PTPRD: variants seen among roughly 807,000 people sequenced by gnomAD.
PTPRD encodes receptor-type tyrosine-protein phosphatase delta.
A neutral mutation model predicts 214.5 loss-of-function variants in PTPRD; 34 were observed. That is an observed-to-expected ratio of 0.16 (90% confidence interval 0.12 to 0.21). The LOEUF is 0.21. Among genes scored for constraint, PTPRD ranks in the 10% least tolerant of loss-of-function variants. The pLI, the probability that PTPRD is intolerant of heterozygous loss-of-function variation, is 1.00. For synonymous variants in PTPRD, 1,128 were observed against 845.7 expected, an observed-to-expected ratio of 1.33 and a Z score of -5.79; for missense variants, 2,545 against 2,398.7, an observed-to-expected ratio of 1.06 and a Z score of -1.27.
intron 44 of PTPRD, among the ~76,000 whole-genome samples, chr9:8,324,494 C>T (rs1018638135): frequency 6.6e-6 from 1 of 152,188 alleles, no homozygotes; most frequent in African/African-American, 2.4e-5. Flanking sequence ...TTTATCCAAT[C>T]TATCATTGAT....
At chr9:9,924,156 G>A (rs941192635) in intron 5 of PTPRD, among the ~76,000 whole-genome samples, 1 of 151,956 alleles carries the variant, frequency 6.6e-6, no homozygotes, top group South Asian at 2.1e-4. Flanking sequence ...CACATTGAGA[G>A]AATAGTGGGA....
intron 5 of PTPRD, among the ~76,000 whole-genome samples, chr9:9,796,653 T>C (rs994325447): frequency 6.6e-6 from 1 of 151,734 alleles, no homozygotes; most frequent in Non-Finnish European, 1.5e-5. Flanking sequence ...CAAGCAAAAA[T>C]TGCATTCAAA....
chr9:10,108,091 TGTCCAATCAACCTGATTCTTGGA>T (rs1286779100), intron 3 of PTPRD, among the ~76,000 whole-genome samples: 1 of 152,086 alleles, frequency 6.6e-6, no homozygotes, highest in Non-Finnish European at 1.5e-5. Flanking sequence ...CATCTGTGGG[TGTCCAATCAACCTGATTCTTGGA>T]GTCAAGTCAT....
chr9:9,593,084 G>C (rs1405662341), intron 7 of PTPRD, among the ~76,000 whole-genome samples: 2 of 148,466 alleles, frequency 1.3e-5, no homozygotes, highest in Admixed American at 1.4e-4. Context: ...AAGAAAGAGA[G>C]AGAGGAAGAA....
intron 7 of PTPRD, among the ~76,000 whole-genome samples, chr9:9,717,897 A>C (rs1476981416): frequency 6.7e-6 from 1 of 148,838 alleles, no homozygotes; most frequent in Non-Finnish European, 1.5e-5. Context: ...GAATCAAAAA[A>C]TTAAAAATAA....
rs2097373754 is a variant in PTPRD, at chr9:8,500,558, G to GGAAAAAAAAAAAAAAAAAAAAAAAAAA, written c.2128+195_2128+196insTTTTTTTTTTTTTTTTTTTTTTTTTTC. 1.6e-3 allele frequency among the ~76,000 whole-genome samples: 23 copies of GGAAAAAAAAAAAAAAAAAAAAAAAAAA among 14,316 alleles called. 6 individuals are homozygous for GGAAAAAAAAAAAAAAAAAAAAAAAAAA. Among genetic ancestry groups the GGAAAAAAAAAAAAAAAAAAAAAAAAAA allele is most frequent in the East Asian group, 4.6e-3 (3 of 654 alleles). 9.4% of individuals were successfully genotyped at this position (14,316 alleles called of 152,430 possible). On this transcript the variant is annotated intron_variant, in intron 24 of 45. Coordinates refer to ENST00000381196, the MANE Select transcript of PTPRD (RefSeq NM_002839.4). ...TTACTGCATTGAGATTGAAAAAAAT[G>GGAAAAAAAAAAAAAAAAAAAAAAAAAA]AAAAAAAAAAAAAAAAAAAAAAAAA...
chr9:8,779,586 C>G (rs2095614251), intron 11 of PTPRD, among the ~76,000 whole-genome samples: 1 of 152,178 alleles, frequency 6.6e-6, no homozygotes, highest in Admixed American at 6.5e-5. Flanking sequence ...CACTCTCTTT[C>G]TCTAATTCTC....
rs374291193 is a variant in PTPRD at position 9,889,714 on chromosome 9, C to A, written c.-368+48793G>T. On this transcript the variant is annotated intron_variant, in intron 5 of 45. Transcript: ENST00000381196. ...TTAAGCGAGCTATGTCCATAGAGGG[C>A]CCTGGAGGGTCACAGCAGGATAGAG... 1.7e-4 allele frequency among the ~76,000 whole-genome samples: 26 copies of A among 152,162 alleles called. No homozygotes were observed. In the East Asian group the frequency reaches 3.1e-3, roughly 18 times the overall value.
At chr9:9,613,591 A>T (rs1372511524) in intron 7 of PTPRD, among the ~76,000 whole-genome samples, 2 of 152,160 alleles carry the variant, frequency 1.3e-5, no homozygotes, top group Admixed American at 1.3e-4. Flanking sequence ...TAGTTTTTCT[A>T]TTAAGTTGAA....
At chr9:10,369,352 A>G (rs1565592041) in intron 2 of PTPRD, among the ~76,000 whole-genome samples, 2 of 152,038 alleles carry the variant, frequency 1.3e-5, no homozygotes, top group African/African-American at 2.4e-5. Flanking sequence ...GTGTGCTTCA[A>G]TTCTCATAGC....
chr9:10,333,314 T>C (rs557624653), intron 3 of PTPRD, among the ~76,000 whole-genome samples: 1 of 151,858 alleles, frequency 6.6e-6, no homozygotes, highest in South Asian at 2.1e-4. Context: ...TCCCTCGCGT[T>C]TTGTTTATAG....
At chr9:9,996,779 T>C in intron 4 of PTPRD, among the ~76,000 whole-genome samples, 1 of 152,206 alleles carries the variant, frequency 6.6e-6, no homozygotes, top group East Asian at 1.9e-4. Flanking sequence ...ATACAGACTT[T>C]ACAGAATTCA....
intron 6 of PTPRD, among the ~76,000 whole-genome samples, chr9:9,765,632 C>T (rs1277297952): frequency 6.6e-6 from 1 of 152,134 alleles, no homozygotes; most frequent in African/African-American, 2.4e-5. Flanking sequence ...CTCCCACTAC[C>T]TAATCCTGAA....
intron 39 of PTPRD, among the ~76,000 whole-genome samples, chr9:8,350,993 C>T (rs1420113527): frequency 6.6e-6 from 1 of 152,170 alleles, no homozygotes; most frequent in East Asian, 1.9e-4. Flanking sequence ...TCTATCTACA[C>T]ATATGCACAA....
At chr9:8,881,172 C>G (rs2098443133) in intron 11 of PTPRD, among the ~76,000 whole-genome samples, 2 of 152,166 alleles carry the variant, frequency 1.3e-5, no homozygotes, top group Non-Finnish European at 2.9e-5. Context: ...GTATTCCAGG[C>G]ACTGTGGATA....
intron 11 of PTPRD, among the ~76,000 whole-genome samples, chr9:8,938,460 C>T (rs1275370640): frequency 6.6e-6 from 1 of 152,096 alleles, no homozygotes; most frequent in African/African-American, 2.4e-5. Context: ...CCCATTAATC[C>T]GCCTTGCTGG....
chr9:8,539,045 A>G (rs2077680337), intron 14 of PTPRD, among the ~76,000 whole-genome samples: 1 of 152,058 alleles, frequency 6.6e-6, no homozygotes, highest in African/African-American at 2.4e-5. Flanking sequence ...CTAAATGTAC[A>G]CAGAAGCCAG....
At chr9:9,678,163 A>G (rs2096976027) in intron 7 of PTPRD, among the ~76,000 whole-genome samples, 1 of 152,126 alleles carries the variant, frequency 6.6e-6, no homozygotes, top group Admixed American at 6.6e-5. Flanking sequence ...TTATAGATTC[A>G]ATGCCATCCC....
At chr9:10,432,263 A>G (rs1305784213) in intron 2 of PTPRD, among the ~76,000 whole-genome samples, 1 of 121,594 alleles carries the variant, frequency 8.2e-6, no homozygotes, top group African/African-American at 3.2e-5. Flanking sequence ...AGGAAGGGGA[A>G]TATCACACTC....
Sources: allele counts gnomAD v4.1 joint callset (sites outside exome capture counted in the v4.1 genomes callset), GRCh38; gene constraint gnomAD v4.1.1; transcripts MANE v1.5; gene names NCBI Gene and HGNC (gene_info 2026-07-23, HGNC 2026-07-21).